C9orf85: variants seen among roughly 807,000 people sequenced by gnomAD.
C9orf85 encodes uncharacterized protein C9orf85.
C9orf85 carries 16 observed loss-of-function variants against 14.9 expected under a neutral mutation model. The observed-to-expected ratio is 1.08, with a 90% CI of 0.73 to 1.63. The LOEUF is 1.63. Ranked by LOEUF, C9orf85 falls within the 40% of genes most tolerant of loss-of-function variation. The pLI, the probability that C9orf85 is intolerant of heterozygous loss-of-function variation, is 0.00. For missense variants in C9orf85, 172 were observed against 186.1 expected (o/e 0.92, Z 0.44); for synonymous variants, 45 against 56.8 (o/e 0.79, Z 0.93).
chr9:71,923,560 G>A (rs530054469), intron 1 of C9orf85, among the ~76,000 whole-genome samples: 32 of 152,186 alleles, frequency 2.1e-4, no homozygotes, highest in Non-Finnish European at 3.2e-4. Flanking sequence ...GAGACACGGC[G>A]CCCAGCCCTT....
intron 1 of C9orf85, among the ~76,000 whole-genome samples, chr9:71,928,270 T>G (rs1827979498): frequency 6.6e-6 from 1 of 151,946 alleles, no homozygotes; most frequent in Non-Finnish European, 1.5e-5. Context: ...TGTATCTATA[T>G]GCCTCCTTCT....
chr9:71,976,991 A>C (rs1433249034), downstream of C9orf85, among the ~76,000 whole-genome samples: 1 of 152,146 alleles, frequency 6.6e-6, no homozygotes, highest in East Asian at 1.9e-4. Flanking sequence ...TTTCTACCTG[A>C]ATATGATTGT....
downstream of C9orf85, among the ~76,000 whole-genome samples, chr9:71,976,808 C>T (rs543429806): frequency 9.2e-5 from 14 of 151,966 alleles, no homozygotes; most frequent in Admixed American, 5.9e-4. Flanking sequence ...AAAGCCATTC[C>T]CATGCCTATT....
chr9:71,977,891 T>G (rs2132374389), downstream of C9orf85, among the ~76,000 whole-genome samples: 1 of 152,336 alleles, frequency 6.6e-6, no homozygotes, highest in East Asian at 1.9e-4. Flanking sequence ...CCCACAATTT[T>G]GTCAATCATC....
At chr9:71,932,594 T>G (rs549515849) in intron 1 of C9orf85, among the ~76,000 whole-genome samples, 172 of 152,270 alleles carry the variant, frequency 1.1e-3, no homozygotes, top group African/African-American at 3.9e-3. Flanking sequence ...CATTTCATCT[T>G]TATGAGACAA....
At chr9:71,921,956 T>C (rs1196826614) in intron 1 of C9orf85, among the ~76,000 whole-genome samples, 1 of 100,904 alleles carries the variant, frequency 9.9e-6, no homozygotes, top group Non-Finnish European at 1.9e-5. Context: ...ATTATTATTA[T>C]TTTGAAACAG....
intron 2 of C9orf85, among the ~76,000 whole-genome samples, chr9:71,948,853 C>T (rs1441606676): frequency 7.6e-6 from 1 of 130,960 alleles, no homozygotes; most frequent in Non-Finnish European, 1.6e-5. Flanking sequence ...CAGCTTCTTG[C>T]TCCTTTTAGT....
At chr9:71,954,224 CT>C (rs1332367565) in intron 2 of C9orf85, among the ~76,000 whole-genome samples, 2 of 144,722 alleles carry the variant, frequency 1.4e-5, no homozygotes, top group East Asian at 4.1e-4. Flanking sequence ...CAGAGAAGTT[CT>C]GCTTTTATAT....
rs183885072 is a variant in C9orf85, at chr9:71,926,776, G to A, written c.102+14940G>A. On this transcript the variant is annotated intron_variant, in intron 1 of 3. Transcript: ENST00000334731. Reference sequence around the variant, plus strand: ...GTGATTTGGGAGATCAAGCCAATGGGCTTGTCTAAAACCTAGTCAAAAAGG... The same window carrying A: ...GTGATTTGGGAGATCAAGCCAATGGACTTGTCTAAAACCTAGTCAAAAAGG... Among the ~76,000 whole-genome samples the A allele has an allele frequency of 7.8e-4, 119 of 152,146 alleles. No homozygotes were observed. The East Asian group carries it at 0.019, about 24-fold the overall frequency.
At chr9:71,931,890 C>T (rs958956133) in intron 1 of C9orf85, among the ~76,000 whole-genome samples, 2 of 152,150 alleles carry the variant, frequency 1.3e-5, no homozygotes, top group African/African-American at 4.8e-5. Flanking sequence ...AGATAGGGAA[C>T]ACATTTCTCT....
chr9:71,945,003 A>G (rs904660343), intron 1 of C9orf85, among the ~76,000 whole-genome samples: 1 of 152,184 alleles, frequency 6.6e-6, no homozygotes, highest in South Asian at 2.1e-4. Flanking sequence ...ATCAAGATGA[A>G]CTGGTCAGAA....
chr9:71,926,469 A>G (rs1827931082), intron 1 of C9orf85, among the ~76,000 whole-genome samples: 1 of 152,172 alleles, frequency 6.6e-6, no homozygotes, highest in Non-Finnish European at 1.5e-5. Flanking sequence ...TTAGGAAAAT[A>G]GAAACCATGA....
Position 71,945,913 on chromosome 9 carries a change from T to G in C9orf85, c.103-1093T>G, listed in dbSNP as rs533876499. 2.0e-5 allele frequency among the ~76,000 whole-genome samples: 3 copies of G among 152,288 alleles called. No individual in the cohort carries two copies. The South Asian group carries it at 6.2e-4, about 32-fold the overall frequency. ...AAAGCAAACTAGAGAATTCTCAGAG[T>G]ACTCAGTGAAAATATATAGTCTGTG... On this transcript the variant is annotated intron_variant, in intron 1 of 3. Transcript: ENST00000334731.
chr9:71,922,580 A>T (rs916780676), intron 1 of C9orf85, among the ~76,000 whole-genome samples: 1 of 152,140 alleles, frequency 6.6e-6, no homozygotes, highest in Non-Finnish European at 1.5e-5. Flanking sequence ...TCCTTACTCA[A>T]AAACTGTAGC....
At chr9:71,968,039 T>C (rs1187549956) in intron 2 of C9orf85, among the ~76,000 whole-genome samples, 1 of 151,950 alleles carries the variant, frequency 6.6e-6, no homozygotes, top group African/African-American at 2.4e-5. Flanking sequence ...TTTATTGGCT[T>C]TGAATATACT....
At chr9:71,939,576 T>C (rs1383986564) in intron 1 of C9orf85, among the ~76,000 whole-genome samples, 1 of 152,176 alleles carries the variant, frequency 6.6e-6, no homozygotes, top group Non-Finnish European at 1.5e-5. Context: ...ATCAAAATCA[T>C]AGCAGGGTTT....
At position 71,911,768 on chromosome 9, in the gene C9orf85, A is replaced by T. The variant is rs756647095; in HGVS notation, c.34A>T (p.Arg12Ter). ...CCAGAAAGGCAACGTGGCTCGTTCC[A>T]GACCTCAGAAGCACCAGAATACGTT... Reference protein sequence around the residue: ...SSQKGNVARSRPQKHQNTFSF... With the variant: ...SSQKGNVARS Residue 12 changes from arginine to a stop codon, truncating the protein, a stop_gained, in exon 1 of 4, where the codon AGA becomes TGA. Transcript: ENST00000334731. LOFTEE classifies it high-confidence loss of function. 2.5e-6 allele frequency: 4 copies of T among 1,614,042 alleles called. No homozygotes were observed. The South Asian group carries it at 4.4e-5, about 18-fold the overall frequency.
At chr9:71,944,181 C>T (rs1822022631) in intron 1 of C9orf85, among the ~76,000 whole-genome samples, 2 of 151,314 alleles carry the variant, frequency 1.3e-5, no homozygotes. Flanking sequence ...TTGCAGTGAG[C>T]TAAGATTGCC....
intron 2 of C9orf85, among the ~76,000 whole-genome samples, chr9:71,959,478 T>C (rs978471383): frequency 6.6e-6 from 1 of 152,180 alleles, no homozygotes; most frequent in Non-Finnish European, 1.5e-5. Context: ...TGTTGGATTC[T>C]AATAACAACC....
Sources: allele counts gnomAD v4.1 joint callset (sites outside exome capture counted in the v4.1 genomes callset), GRCh38; gene constraint gnomAD v4.1.1; transcripts MANE v1.5; gene names NCBI Gene and HGNC (gene_info 2026-07-23, HGNC 2026-07-21).